The following UBE2R2 variants were observed in gnomAD, a reference collection of about 807,000 sequenced individuals.
The protein encoded by UBE2R2 is ubiquitin conjugating enzyme E2 R2, also known as ubiquitin-conjugating enzyme E2 R2.
In UBE2R2, 1 loss-of-function variant was observed where a neutral mutation model predicts 27.8. That is an observed-to-expected ratio of 0.04 (90% CI 0.01 to 0.17). The LOEUF (loss-of-function observed/expected upper bound fraction) is 0.17. UBE2R2 is among the 10% of genes least tolerant of loss of function. The pLI is 1.00. For synonymous variants in UBE2R2, 106 were observed against 113.3 expected (o/e 0.94, Z 0.41); for missense variants, 100 against 291.0 (o/e 0.34, Z 4.78).
At chr9:33,823,717 ACAGGGATT>A (rs1820228102) in intron 1 of UBE2R2, among the ~76,000 whole-genome samples, 1 of 152,174 alleles carries the variant, frequency 6.6e-6, no homozygotes, top group Non-Finnish European at 1.5e-5. Flanking sequence ...CCTTTTTGAG[ACAGGGATT>A]CTTTTGAGAA....
At chr9:33,855,016 T>G (rs879551331) in intron 1 of UBE2R2, among the ~76,000 whole-genome samples, 59,039 of 151,696 alleles carry the variant, frequency 0.39, 11,829 homozygotes, top group South Asian at 0.47. Context: ...TGATAGTTAA[T>G]TCATATTAAC....
At chr9:33,883,035 G>A (rs1821765123) in intron 1 of UBE2R2, among the ~76,000 whole-genome samples, 1 of 152,154 alleles carries the variant, frequency 6.6e-6, no homozygotes, top group East Asian at 1.9e-4. Flanking sequence ...GTTGCAGTGA[G>A]CTGAGATCAT....
In UBE2R2 at chr9:33,920,141, C is replaced by T. The variant is rs899773695; in HGVS notation, c.*2904C>T. 1 of 152,512 alleles carries T rather than the reference C, an allele frequency of 6.6e-6. No individual in the cohort carries two copies. Among genetic ancestry groups the T allele is most frequent in the African/African-American group, 2.4e-5 (1 of 41,388 alleles). The allele number at this position is 152,512 out of a possible 1,614,324, so 9.4% of individuals were successfully genotyped here. A position where few individuals can be genotyped will look rare whatever the true frequency, so the allele number is the denominator to read the frequency against. On this transcript the variant is annotated 3_prime_UTR_variant, in exon 5 of 5. Transcript: ENST00000263228. ...AAAGGAACTCTCCACCCCTCCCATC[C>T]TGATAAAACAAACAAGGTTTACATT...
chr9:33,867,918 G>C (rs138152982), intron 1 of UBE2R2, among the ~76,000 whole-genome samples: 2 of 152,314 alleles, frequency 1.3e-5, no homozygotes, highest in South Asian at 2.1e-4. Context: ...GACAGGGCCT[G>C]CCAAGTGCCA....
At chr9:33,877,035 T>G (rs1821618738) in intron 1 of UBE2R2, among the ~76,000 whole-genome samples, 1 of 151,812 alleles carries the variant, frequency 6.6e-6, no homozygotes, top group Admixed American at 6.6e-5. Context: ...TCCCAGCTAC[T>G]CCAGAGGCTG....
intron 1 of UBE2R2, among the ~76,000 whole-genome samples, chr9:33,859,799 T>TGTGTGA (rs766779268): frequency 0.054 from 4,675 of 86,212 alleles, 208 homozygotes; most frequent in East Asian, 0.27. Context: ...TGTGTGTGTG[T>TGTGTGA]GAGAGAGAGA....
At chr9:33,815,457 G>A (rs72725368), upstream of UBE2R2, among the ~76,000 whole-genome samples, 12,018 of 152,276 alleles carry the variant, frequency 0.079, 685 homozygotes, top group Non-Finnish European at 0.12. Context: ...ATCTAAAACT[G>A]TCCTTGGCTG....
chr9:33,834,858 C>T (rs1209613206), intron 1 of UBE2R2, among the ~76,000 whole-genome samples: 1 of 150,288 alleles, frequency 6.7e-6, no homozygotes, highest in Non-Finnish European at 1.5e-5. Context: ...TGCAGTAAGC[C>T]GAGATCGTGC....
At chr9:33,905,798 A>G (rs1254249007) in intron 3 of UBE2R2, among the ~76,000 whole-genome samples, 1 of 152,138 alleles carries the variant, frequency 6.6e-6, no homozygotes, top group Non-Finnish European at 1.5e-5. Context: ...AGTCATCTGT[A>G]GTTACTGGCC....
At chr9:33,842,934 A>G (rs1820760470) in intron 1 of UBE2R2, among the ~76,000 whole-genome samples, 1 of 151,046 alleles carries the variant, frequency 6.6e-6, no homozygotes, top group Non-Finnish European at 1.5e-5. Context: ...AGCTACTTGG[A>G]AGGCTGAGGT....
intron 1 of UBE2R2, among the ~76,000 whole-genome samples, chr9:33,867,737 C>T (rs1447386712): frequency 6.6e-6 from 1 of 152,232 alleles, no homozygotes. Context: ...TGGGTACACG[C>T]CATTCTCCTT....
At chr9:33,894,956 T>C (rs1822069205) in intron 2 of UBE2R2, among the ~76,000 whole-genome samples, 1 of 152,142 alleles carries the variant, frequency 6.6e-6, no homozygotes, top group Admixed American at 6.6e-5. Flanking sequence ...CCGCTCAGCC[T>C]CCCACAGTGG....
chr9:33,853,289 T>TC (rs1491463430), intron 1 of UBE2R2, among the ~76,000 whole-genome samples: 10 of 54,702 alleles, frequency 1.8e-4, no homozygotes, highest in East Asian at 8.8e-4. Flanking sequence ...TTTCTCTCTC[T>TC]TTTTTTTTTT....
intron 1 of UBE2R2, among the ~76,000 whole-genome samples, chr9:33,826,367 A>G (rs1362677592): frequency 2.9e-4 from 44 of 152,096 alleles, no homozygotes; most frequent in Admixed American, 2.8e-3. Context: ...GATCTTCCAC[A>G]TGATAATTGG....
chr9:33,829,451 A>G (rs1820394899), intron 1 of UBE2R2, among the ~76,000 whole-genome samples: 1 of 152,182 alleles, frequency 6.6e-6, no homozygotes, highest in African/African-American at 2.4e-5. Context: ...TACTCTTTGG[A>G]TGATGGGTAC....
At chr9:33,889,652 G>A (rs1242278027) in intron 2 of UBE2R2, among the ~76,000 whole-genome samples, 1 of 152,192 alleles carries the variant, frequency 6.6e-6, no homozygotes, top group South Asian at 2.1e-4. Context: ...AGAGAGAAGT[G>A]AGAAGGAGCA....
At chr9:33,905,940 C>T (rs548759816) in intron 3 of UBE2R2, among the ~76,000 whole-genome samples, 296 of 152,288 alleles carry the variant, frequency 1.9e-3, no homozygotes, top group Non-Finnish European at 2.8e-3. Flanking sequence ...GAGACCTGGA[C>T]TTCACACATC....
intron 1 of UBE2R2, among the ~76,000 whole-genome samples, chr9:33,856,638 G>A (rs1188203377): frequency 6.6e-6 from 1 of 150,940 alleles, no homozygotes; most frequent in Non-Finnish European, 1.5e-5. Context: ...TAAATACTAT[G>A]TTGACTCTTC....
chr9:33,879,746 A>G (rs962569199), intron 1 of UBE2R2, among the ~76,000 whole-genome samples: 1 of 129,244 alleles, frequency 7.7e-6, no homozygotes, highest in African/African-American at 2.9e-5. Context: ...GCCTGGTCAC[A>G]AGACTTTTTT....
Sources: gnomAD v4.1 joint callset for allele counts (sites outside exome capture counted in the v4.1 genomes callset) on GRCh38, gnomAD v4.1.1 for gene constraint, MANE v1.5 for transcripts, NCBI Gene and HGNC (gene_info 2026-07-23, HGNC 2026-07-21) for gene names.